Variants in ST3GAL6 observed in about 807,000 individuals in gnomAD.
The protein encoded by ST3GAL6 is type 2 lactosamine alpha-2,3-sialyltransferase.
ST3GAL6 carries 31 observed loss-of-function variants against 40.5 expected under a neutral mutation model. The observed-to-expected ratio is 0.77, with a 90% CI of 0.58 to 1.03. The LOEUF (loss-of-function observed/expected upper bound fraction) is 1.03, where lower values mean the gene tolerates loss of function less well. Among genes scored for constraint, ST3GAL6 ranks in the 50% least tolerant of loss-of-function variants. The pLI is 0.00. For synonymous variants in ST3GAL6, 129 were observed against 136.9 expected (o/e 0.94, Z 0.40); for missense variants, 357 against 393.2 (o/e 0.91, Z 0.78).
chr3:98,758,138 C>T (rs1937537239), intron 1 of ST3GAL6, among the ~76,000 whole-genome samples: 1 of 152,190 alleles, frequency 6.6e-6, no homozygotes, highest in Non-Finnish European at 1.5e-5. Context: ...CGTGCCCGGT[C>T]CTAATTTTAA....
At chr3:98,753,480 A>G (rs1161834385) in intron 1 of ST3GAL6, among the ~76,000 whole-genome samples, 1 of 152,250 alleles carries the variant, frequency 6.6e-6, no homozygotes, top group Non-Finnish European at 1.5e-5. Context: ...GTAGATTTTC[A>G]TTGTAGACAG....
At chr3:98,737,500 A>T (rs1049902205) in intron 1 of ST3GAL6, among the ~76,000 whole-genome samples, 2 of 152,178 alleles carry the variant, frequency 1.3e-5, no homozygotes, top group African/African-American at 4.8e-5. Flanking sequence ...TATCACAAAG[A>T]CAGGCAGAGC....
At chr3:98,761,698 T>C (rs1383230700), upstream of ST3GAL6, among the ~76,000 whole-genome samples, 1 of 152,088 alleles carries the variant, frequency 6.6e-6, no homozygotes, top group African/African-American at 2.4e-5. Flanking sequence ...AGCAGGATGT[T>C]AATAAGAGAA....
intron 1 of ST3GAL6, among the ~76,000 whole-genome samples, chr3:98,747,689 A>G (rs947845600): frequency 3.9e-5 from 6 of 152,258 alleles, no homozygotes. Context: ...TTTAGGCACC[A>G]TATGGATAGA....
At chr3:98,760,071 C>T (rs1045626757), upstream of ST3GAL6, among the ~76,000 whole-genome samples, 1 of 152,220 alleles carries the variant, frequency 6.6e-6, no homozygotes, top group Non-Finnish European at 1.5e-5. Flanking sequence ...TGACTAGTTT[C>T]TTCAGAGAAA....
At chr3:98,790,916 AT>A (rs1941147099) in intron 8 of ST3GAL6, among the ~76,000 whole-genome samples, 2 of 152,274 alleles carry the variant, frequency 1.3e-5, no homozygotes, top group East Asian at 3.9e-4. Context: ...GATAAAGAAA[AT>A]TTTATGCTGA....
At chr3:98,789,190 T>C (rs901945946) in intron 8 of ST3GAL6, among the ~76,000 whole-genome samples, 1 of 152,012 alleles carries the variant, frequency 6.6e-6, no homozygotes, top group African/African-American at 2.4e-5. Context: ...TAGGGAAAAA[T>C]CCAAAGAAAT....
At chr3:98,792,052 A>G in intron 9 of ST3GAL6, 59 bp downstream of exon 9, 1 of 1,426,876 alleles carries the variant, frequency 7.0e-7, no homozygotes, top group Non-Finnish European at 9.3e-7. Flanking sequence ...TGAGGGATGG[A>G]AAGCCCATAT....
At chr3:98,782,842 T>C in intron 5 of ST3GAL6, 1 of 485,402 alleles carries the variant, frequency 2.1e-6, no homozygotes, top group Admixed American at 2.5e-5. Context: ...AGTCTACCTC[T>C]TTCCTGATTT....
intron 1 of ST3GAL6, chr3:98,732,863 G>A: frequency 1.3e-6 from 2 of 1,511,784 alleles, no homozygotes; most frequent in Non-Finnish European, 1.8e-6. Context: ...TCTGCGGCCC[G>A]ATGTGGCAGG....
intron 1 of ST3GAL6, among the ~76,000 whole-genome samples, chr3:98,739,388 C>CA (rs371291503): frequency 7.3e-4 from 92 of 125,968 alleles, no homozygotes; most frequent in Middle Eastern, 9.2e-3. Flanking sequence ...AACAAACAAA[C>CA]AAAAAAAAAA....
chr3:98,732,781 G>A (rs1935137117), intron 1 of ST3GAL6: 3 of 1,346,046 alleles, frequency 2.2e-6, no homozygotes, highest in Non-Finnish European at 2.9e-6. Flanking sequence ...CGCCAGATCC[G>A]CGGGGAAGGA....
At chr3:98,742,694 CTT>C (rs11326863) in intron 1 of ST3GAL6, among the ~76,000 whole-genome samples, 8 of 142,506 alleles carry the variant, frequency 5.6e-5, no homozygotes, top group South Asian at 4.4e-4. Context: ...TTCTTTCTTT[CTT>C]TTTTTTTTTT....
At chr3:98,764,943 T>C (rs988733840) in intron 1 of ST3GAL6, among the ~76,000 whole-genome samples, 2 of 152,264 alleles carry the variant, frequency 1.3e-5, no homozygotes, top group Admixed American at 1.3e-4. Flanking sequence ...GATCTGTATC[T>C]GTTACAGTCT....
chr3:98,733,304 C>T, intron 1 of ST3GAL6: 1 of 985,420 alleles, frequency 1.0e-6, no homozygotes, highest in Non-Finnish European at 1.2e-6. Flanking sequence ...GAGGGACGCG[C>T]AGCCTCGCGG....
intron 4 of ST3GAL6, chr3:98,773,574 A>C (rs892172969): frequency 5.8e-6 from 1 of 171,706 alleles, no homozygotes; most frequent in African/African-American, 2.4e-5. Flanking sequence ...TTATTTTAAA[A>C]CTATTTTGCA....
At chr3:98,732,922 C>T (rs1935157373) in intron 1 of ST3GAL6, 5 of 1,508,604 alleles carry the variant, frequency 3.3e-6, no homozygotes, top group South Asian at 1.2e-5. Context: ...CCTCAGGTCT[C>T]GGAGCCCGGT....
chr3:98,772,215 G>A (rs1350380093), intron 3 of ST3GAL6: 1 of 152,324 alleles, frequency 6.6e-6, no homozygotes, highest in Non-Finnish European at 1.5e-5. Context: ...AGTATTCTCT[G>A]AGGGCAGTCC....
chr3:98,732,665 C>T, intron 1 of ST3GAL6: 1 of 528,610 alleles, frequency 1.9e-6, no homozygotes, highest in Non-Finnish European at 3.2e-6. Context: ...AGCCGCGGAG[C>T]AGGAGGAGCT....
Sources: gnomAD v4.1 joint callset for allele counts (sites outside exome capture counted in the v4.1 genomes callset) on GRCh38, gnomAD v4.1.1 for gene constraint, MANE v1.5 for transcripts, NCBI Gene and HGNC (gene_info 2026-07-23, HGNC 2026-07-21) for gene names.